The following PIAS4 variants were observed in gnomAD, a reference collection of about 807,000 sequenced individuals.
The protein encoded by PIAS4 is protein inhibitor of activated STAT 4, also known as E3 SUMO-protein ligase PIAS4.
A neutral mutation model predicts 58.0 loss-of-function variants in PIAS4; 7 were observed. The ratio of observed to expected loss-of-function variants is 0.12; its 90% CI spans 0.07 to 0.23. The LOEUF is 0.23. Ranked by LOEUF, PIAS4 falls within the 10% of genes least tolerant of loss-of-function variation. PIAS4 has a pLI of 1.00. For missense variants in PIAS4, 550 were observed against 709.5 expected, an observed-to-expected ratio of 0.78 and a Z score of 2.55; for synonymous variants, 364 against 312.4, an observed-to-expected ratio of 1.17 and a Z score of -1.74.
rs1008750873 is a variant in PIAS4, at chr19:4,038,203, C to G, written c.*328C>G. ...GTAGTGGGCGGGAGGGACCAGGACG[C>G]CGCCCCGCGCCCTCCCCTCCGGATG... On this transcript the variant is annotated 3_prime_UTR_variant, in exon 11 of 11. Coordinates refer to ENST00000262971, the MANE Select transcript of PIAS4 (RefSeq NM_015897.4). This position sits in a 1 kb window ranked among gnomAD's most constrained non-coding sequence, Gnocchi z 4.1. 1 of 289,566 alleles carries G rather than the reference C, an allele frequency of 3.5e-6. No homozygotes were observed. The highest frequency in any genetic ancestry group is 2.3e-5 in the African/African-American group (1 of 43,200). The allele number at this position is 289,566 out of a possible 1,614,324, so 17.9% of individuals were successfully genotyped here. A position where few individuals can be genotyped will look rare whatever the true frequency, so the allele number is the denominator to read the frequency against.
chr19:4,037,983 G>A lies in PIAS4; in HGVS notation c.*108G>A, dbSNP rs904286573. ...TTTCTTTTTCTTTTTATTGTCGTTCGTTTTGTTTTTCCACCCTTTTGCCTG... is the reference window on the plus strand; with the variant it reads ...TTTCTTTTTCTTTTTATTGTCGTTCATTTTGTTTTTCCACCCTTTTGCCTG... On this transcript the variant is annotated 3_prime_UTR_variant, in exon 11 of 11. Transcript: ENST00000262971. This position sits in a 1 kb window ranked among gnomAD's most constrained non-coding sequence, Gnocchi z 5.8. 1.9e-5 allele frequency: 24 copies of A among 1,267,028 alleles called. No individual in the cohort carries two copies. Among genetic ancestry groups the A allele is most frequent in the East Asian group, 5.1e-5 (2 of 39,214 alleles). 78.5% of individuals were successfully genotyped at this position (1,267,028 alleles called of 1,614,324 possible).
At chr19:4,021,742 C>CTTTTTTTTTTTT (rs776416490) in intron 2 of PIAS4, among the ~76,000 whole-genome samples, 106 of 103,982 alleles carry the variant, frequency 1.0e-3, no homozygotes, top group Non-Finnish European at 1.4e-3. Flanking sequence ...TTTTCTTTTT[C>CTTTTTTTTTTTT]TTTTTTTTTT....
At chr19:4,020,610 G>C (rs574704567) in intron 2 of PIAS4, among the ~76,000 whole-genome samples, 1 of 152,294 alleles carries the variant, frequency 6.6e-6, no homozygotes, top group South Asian at 2.1e-4. Flanking sequence ...GCTGCTCAGC[G>C]TTTTTGCTTT....
intron 1 of PIAS4, among the ~76,000 whole-genome samples, chr19:4,009,369 C>G (rs2039972259): frequency 6.6e-6 from 1 of 152,174 alleles, no homozygotes; most frequent in South Asian, 2.1e-4. Context: ...GGCCTGAACT[C>G]TGTAAACCCA....
chr19:4,011,206 C>A (rs963243396), intron 1 of PIAS4, among the ~76,000 whole-genome samples: 4 of 152,236 alleles, frequency 2.6e-5, no homozygotes, highest in Non-Finnish European at 5.9e-5. Context: ...TCTTCGGGTA[C>A]CCGCCAGCTT....
At chr19:4,012,788 A>T in intron 1 of PIAS4, 135 bp from the exon 2 acceptor site, 1 of 973,622 alleles carries the variant, frequency 1.0e-6, no homozygotes, top group Non-Finnish European at 1.5e-6. Context: ...AGGGCACTCC[A>T]CCAGCCCCAG....
At position 4,007,745 on chromosome 19, in the gene PIAS4, G is replaced by C. The variant is rs1352025147; in HGVS notation, c.-16G>C. 1.6e-6 allele frequency: 2 copies of C among 1,215,718 alleles called. No homozygotes were observed. The highest frequency in any genetic ancestry group is 2.1e-6 in the Non-Finnish European group (2 of 970,924). The allele number at this position is 1,215,718 out of a possible 1,614,324, so 75.3% of individuals were successfully genotyped here. On this transcript the variant is annotated 5_prime_UTR_variant, in exon 1 of 11. Coordinates refer to ENST00000262971, the MANE Select transcript of PIAS4 (RefSeq NM_015897.4). The stretch of plus-strand genomic sequence containing the variant: ...ACGGCTGGGGGCTCCCGGCGCGGGG[G>C]ACGCTGGTGACCAAGATGGCGGCGG...
chr19:4,037,900 TG>T lies in PIAS4; in HGVS notation c.*27del. On this transcript the variant is annotated 3_prime_UTR_variant, in exon 11 of 11. Transcript: ENST00000262971. The surrounding 1 kb of genome is among the most constrained non-coding windows in gnomAD (Gnocchi z 5.8). Reference sequence around the variant, plus strand: ...ACCCCGGCCGCACACTCGACTTTCCTGGTGCTCACCACGCAGAGGGGCACGG... The same window carrying T: ...ACCCCGGCCGCACACTCGACTTTCCTGTGCTCACCACGCAGAGGGGCACGG... 6.4e-7 allele frequency: 1 copy of T among 1,566,002 alleles called. No individual in the cohort carries two copies. Among genetic ancestry groups the T allele is most frequent in the Non-Finnish European group, 8.6e-7 (1 of 1,162,096 alleles).
In PIAS4 at chr19:4,037,895, T is replaced by A. The variant is rs931370437; in HGVS notation, c.*20T>A. 1 of 1,566,416 alleles carries A rather than the reference T, an allele frequency of 6.4e-7. No individual in the cohort carries two copies. Among genetic ancestry groups the A allele is most frequent in the Non-Finnish European group, 8.6e-7 (1 of 1,162,054 alleles). On this transcript the variant is annotated 3_prime_UTR_variant, in exon 11 of 11. Coordinates refer to ENST00000262971, the MANE Select transcript of PIAS4 (RefSeq NM_015897.4). The surrounding 1 kb of genome is among the most constrained non-coding windows in gnomAD (Gnocchi z 5.8). ...TGCTGACCCCGGCCGCACACTCGACTTTCCTGGTGCTCACCACGCAGAGGG... is the reference window on the plus strand; with the variant it reads ...TGCTGACCCCGGCCGCACACTCGACATTCCTGGTGCTCACCACGCAGAGGG...
chr19:4,030,181 G>T (rs58978330), intron 7 of PIAS4, among the ~76,000 whole-genome samples: 135,521 of 149,658 alleles, frequency 0.91, 61,722 homozygotes, highest in East Asian at 0.96. Context: ...CAGGCTGGTC[G>T]TAAACTCCTG....
chr19:4,025,561 A>G (rs1286731944), intron 3 of PIAS4, among the ~76,000 whole-genome samples: 1 of 152,116 alleles, frequency 6.6e-6, no homozygotes, highest in Non-Finnish European at 1.5e-5. Flanking sequence ...CTGTGGGGCC[A>G]GGTTCCTGGG....
intron 2 of PIAS4, among the ~76,000 whole-genome samples, chr19:4,015,839 A>C (rs2040047672): frequency 6.6e-6 from 1 of 152,130 alleles, no homozygotes. Flanking sequence ...CGGCTCCAGG[A>C]TGGAGACCGC....
chr19:4,011,752 GGT>G (rs2039996091), intron 1 of PIAS4, among the ~76,000 whole-genome samples: 1 of 30,856 alleles, frequency 3.2e-5, no homozygotes, highest in Non-Finnish European at 6.8e-5. Flanking sequence ...GGGGTGTGGA[GGT>G]GTGTGGGGTG....
Position 4,037,682 on chromosome 19 carries a change from C to T in PIAS4, c.1340C>T (p.Thr447Met), listed in dbSNP as rs745731303. The T allele has an allele frequency of 8.1e-6, 13 of 1,611,804 alleles. No individual in the cohort carries two copies. In the Admixed American group the frequency reaches 1.2e-4, roughly 14 times the overall value. ...AACGGGAGCGGTGCCCTGGGCAGCA[C>T]GGGTGGCGGCGGCCCGGTGGGCAGC... ...SVNGSGALGS[T>M]GGGGPVGSME... The change falls in exon 11 of 11, where the codon ACG becomes ATG. Residue 447 changes from threonine to methionine, a missense_variant. Transcript: ENST00000262971. This position sits in a 1 kb window ranked among gnomAD's most constrained non-coding sequence, Gnocchi z 5.8.
intron 2 of PIAS4, among the ~76,000 whole-genome samples, chr19:4,021,585 T>C (rs186885496): frequency 7.0e-4 from 107 of 152,304 alleles, no homozygotes; most frequent in African/African-American, 2.4e-3. Context: ...TCCTTGATGC[T>C]GAGTTGTGAG....
intron 2 of PIAS4, among the ~76,000 whole-genome samples, chr19:4,016,059 C>T (rs1360838123): frequency 7.2e-5 from 11 of 152,214 alleles, no homozygotes; most frequent in Admixed American, 4.6e-4. Flanking sequence ...CCTCCCGAGC[C>T]GACTGGCTCC....
chr19:4,030,347 C>T (rs540525024), intron 7 of PIAS4, among the ~76,000 whole-genome samples: 6 of 142,656 alleles, frequency 4.2e-5, no homozygotes, highest in African/African-American at 1.2e-4. Context: ...CGGCAAGGCG[C>T]AGTGGCTCAC....
intron 4 of PIAS4, 79 bp downstream of exon 4, chr19:4,028,266 G>A: frequency 9.3e-7 from 1 of 1,076,300 alleles, no homozygotes; most frequent in Non-Finnish European, 1.3e-6. Flanking sequence ...CCTGGCCCAG[G>A]CCCTTCTCAG....
chr19:4,022,588 G>A (rs2040121038), intron 2 of PIAS4, among the ~76,000 whole-genome samples: 1 of 151,744 alleles, frequency 6.6e-6, no homozygotes, highest in South Asian at 2.1e-4. Flanking sequence ...GGATGGTCTC[G>A]ATCTCCTGAC....
Sources: allele counts gnomAD v4.1 joint callset (sites outside exome capture counted in the v4.1 genomes callset), GRCh38; gene constraint gnomAD v4.1.1; non-coding constraint Gnocchi (gnomAD v3.1); transcripts MANE v1.5; gene names NCBI Gene and HGNC (gene_info 2026-07-23, HGNC 2026-07-21).